GDA: variants seen among roughly 807,000 people sequenced by gnomAD.
GDA encodes the protein guanine deaminase, also known as cytoplasmic PSD-95 interactor.
In GDA, 18 loss-of-function variants were observed where a neutral mutation model predicts 59.6. That is an observed-to-expected ratio of 0.30 (90% confidence interval 0.21 to 0.45). The LOEUF (loss-of-function observed/expected upper bound fraction) is 0.45, where lower values mean the gene tolerates loss of function less well. GDA is among the 20% of genes least tolerant of loss of function. The pLI, the probability that GDA is intolerant of heterozygous loss-of-function variation, is 1.00. For synonymous variants in GDA, 201 were observed against 201.1 expected, an observed-to-expected ratio of 1.00 and a Z score of 0.00; for missense variants, 427 against 552.3, an observed-to-expected ratio of 0.77 and a Z score of 2.27.
rs1438996529 is a variant in GDA, at chr9:72,251,772, A to C, written c.*3430A>C. The C allele has an allele frequency of 6.6e-6, 1 of 152,120 alleles. No homozygotes were observed. The highest frequency in any genetic ancestry group is 1.5e-5 in the Non-Finnish European group (1 of 68,012). 9.4% of individuals were successfully genotyped at this position (152,120 alleles called of 1,614,324 possible). A position where few individuals can be genotyped will look rare whatever the true frequency, so the allele number is the denominator to read the frequency against. On this transcript the variant is annotated 3_prime_UTR_variant, in exon 14 of 14. Coordinates refer to ENST00000358399, the MANE Select transcript of GDA (RefSeq NM_004293.5). ...AAAATCCTAACATTGGTCTCCGTGC[A>C]TGTGTTCACACCTGGTCTCACTGCC... is the stretch of plus-strand genomic sequence containing the variant.
Position 72,132,281 on chromosome 9 carries a change from TGCCCAACCA to T in GDA, c.-100+17449_-100+17457del, listed in dbSNP as rs552482474. ...CTGAGGGTGCCCAACCACGGTGGGGTGCCCAACCATGGTGAGTACAAGAAAGTTTGAATA... is the reference window on the plus strand; with the variant it reads ...CTGAGGGTGCCCAACCACGGTGGGGTTGGTGAGTACAAGAAAGTTTGAATA... On this transcript the variant is annotated intron_variant, in intron 1 of 13. Coordinates refer to the GDA transcript ENST00000545168. Among the ~76,000 whole-genome samples, 21 of 152,026 alleles carry T rather than the reference TGCCCAACCA, an allele frequency of 1.4e-4. No individual in the cohort carries two copies. In the South Asian group the frequency reaches 4.2e-3, roughly 30 times the overall value.
chr9:72,193,214 A>G lies in GDA; in HGVS notation c.124-2286A>G, dbSNP rs143397057. Among the ~76,000 whole-genome samples the G allele has an allele frequency of 2.2e-3, 332 of 152,188 alleles. 2 individuals are homozygous for G. The highest frequency in any genetic ancestry group is 7.7e-3 in the African/African-American group (321 of 41,530). On this transcript the variant is annotated intron_variant, in intron 1 of 13. Transcript: ENST00000358399. ...GTAGATGTTTGTGCCTGGGCATTGA[A>G]GAGTTAGGTATTTATTATACTTGTC...
At chr9:72,119,786 A>G (rs1331986502) in intron 1 of GDA, among the ~76,000 whole-genome samples, 3 of 152,198 alleles carry the variant, frequency 2.0e-5, no homozygotes, top group Admixed American at 6.5e-5. Flanking sequence ...CTTGAGCAAG[A>G]TATACACTTT....
At chr9:72,259,781 G>A (rs1023933189), downstream of GDA, among the ~76,000 whole-genome samples, 1 of 152,170 alleles carries the variant, frequency 6.6e-6, no homozygotes, top group African/African-American at 2.4e-5. Flanking sequence ...CAGTGTAATC[G>A]ATTAGACTGA....
chr9:72,150,390 A>G lies in GDA; in HGVS notation c.123+708A>G, dbSNP rs78998769. On this transcript the variant is annotated intron_variant, in intron 1 of 13. Transcript: ENST00000358399. ...CATTTGCATCAAAGCAAGCAGTTCC[A>G]TTTTAAGGTTCAAAATGTCTTCTTT... 1.1e-3 allele frequency among the ~76,000 whole-genome samples: 162 copies of G among 152,128 alleles called. 1 individual carries two copies. Among genetic ancestry groups the G allele is most frequent in the Non-Finnish European group, 1.5e-3 (101 of 68,006 alleles).
chr9:72,249,375 C>A lies in GDA; in HGVS notation c.*1033C>A, dbSNP rs945377052. On this transcript the variant is annotated 3_prime_UTR_variant, in exon 14 of 14. Transcript: ENST00000358399. ...TAGAACTTTAAAATGAAGGACAAAT[C>A]CTGTTAAAGAAATATTGTTAAAAAT... 2.1e-6 allele frequency: 2 copies of A among 966,574 alleles called. No homozygotes were observed. The highest frequency in any genetic ancestry group is 2.5e-6 in the Non-Finnish European group (2 of 812,848). The allele number at this position is 966,574 out of a possible 1,614,324, so 59.9% of individuals were successfully genotyped here.
chr9:72,157,618 A>G (rs1564173218), intron 1 of GDA, among the ~76,000 whole-genome samples: 3 of 152,204 alleles, frequency 2.0e-5, no homozygotes, highest in African/African-American at 4.8e-5. Flanking sequence ...GAGCTAAAAT[A>G]TAACAGGAGA....
chr9:72,202,944 A>G (rs1834195234), intron 3 of GDA, among the ~76,000 whole-genome samples: 1 of 152,246 alleles, frequency 6.6e-6, no homozygotes, highest in South Asian at 2.1e-4. Context: ...GAGAATTTGA[A>G]TCCAAGTTTC....
intron 1 of GDA, among the ~76,000 whole-genome samples, chr9:72,172,738 A>G (rs1165754763): frequency 1.3e-5 from 2 of 152,218 alleles, no homozygotes; most frequent in Admixed American, 6.5e-5. Flanking sequence ...TCTTCTCTGC[A>G]TCTATATTTG....
chr9:72,128,921 G>C (rs1246583826), intron 1 of GDA, among the ~76,000 whole-genome samples: 1 of 151,532 alleles, frequency 6.6e-6, no homozygotes, highest in Non-Finnish European at 1.5e-5. Context: ...TTATGTCCTT[G>C]CCTGGCAATG....
chr9:72,257,379 C>A (rs1285639816), downstream of GDA: 1 of 152,234 alleles, frequency 6.6e-6, no homozygotes, highest in Non-Finnish European at 1.5e-5. Flanking sequence ...GCCTAAAATC[C>A]TCTGTAGCCT....
intron 1 of GDA, among the ~76,000 whole-genome samples, chr9:72,151,770 A>G (rs1228409869): frequency 1.3e-5 from 2 of 151,510 alleles, no homozygotes; most frequent in African/African-American, 4.9e-5. Flanking sequence ...CGCCCCACTG[A>G]TTTTTTTGTA....
rs1003175901 is a variant in GDA at position 72,208,621 on chromosome 9, G to A, written c.385-2066G>A. Among the ~76,000 whole-genome samples the A allele has an allele frequency of 2.0e-5, 3 of 152,246 alleles. No individual in the cohort carries two copies. The East Asian group carries it at 5.8e-4, about 29-fold the overall frequency. ...CCAGGAATTACTTTGGATTACTCTT[G>A]TGTTTTACTAAAAGACAGTTTCTAA... On this transcript the variant is annotated intron_variant, in intron 3 of 13. Coordinates refer to ENST00000358399, the MANE Select transcript of GDA (RefSeq NM_004293.5).
At chr9:72,199,458 C>T (rs1466970497) in intron 2 of GDA, among the ~76,000 whole-genome samples, 1 of 152,124 alleles carries the variant, frequency 6.6e-6, no homozygotes, top group Non-Finnish European at 1.5e-5. Context: ...AATCATCTTT[C>T]ACTCTCTCAT....
intron 1 of GDA, among the ~76,000 whole-genome samples, chr9:72,174,043 C>T (rs1410548210): frequency 6.6e-6 from 1 of 152,168 alleles, no homozygotes; most frequent in Non-Finnish European, 1.5e-5. Flanking sequence ...AACCATTGTT[C>T]CATTAATTGT....
intron 1 of GDA, among the ~76,000 whole-genome samples, chr9:72,163,223 G>A (rs1013053062): frequency 6.6e-6 from 1 of 152,128 alleles, no homozygotes; most frequent in Non-Finnish European, 1.5e-5. Context: ...CAACTGGATG[G>A]ATATGGTGGC....
intron 1 of GDA, among the ~76,000 whole-genome samples, chr9:72,125,881 A>AT (rs1292769123): frequency 1.3e-5 from 2 of 151,986 alleles, no homozygotes; most frequent in Non-Finnish European, 2.9e-5. Flanking sequence ...CTTTTCTATG[A>AT]TTTTGGAAGG....
Position 72,241,177 on chromosome 9 carries a change from C to A in GDA, c.1014C>A (p.Ser338=). The A allele has an allele frequency of 6.2e-7, 1 of 1,603,892 alleles. No individual in the cohort carries two copies. The highest frequency in any genetic ancestry group is 8.5e-7 in the Non-Finnish European group (1 of 1,172,458). Residue 338 remains serine, a synonymous_variant, in exon 11 of 14, where the codon TCC becomes TCA. Coordinates refer to ENST00000358399, the MANE Select transcript of GDA (RefSeq NM_004293.5). ...ACGTGGCTGGTGGCTATTCATATTC[C>A]ATGCTTGATGCAATCAGAAGAGCAG... The part of the protein sequence containing the change: ...GTDVAGGYSY[S]MLDAIRRAVM...
chr9:72,161,555 C>T (rs2130846869), intron 1 of GDA, among the ~76,000 whole-genome samples: 1 of 152,152 alleles, frequency 6.6e-6, no homozygotes. Flanking sequence ...ATTCTGAGAC[C>T]TCATGAAGTT....
Sources: allele counts gnomAD v4.1 joint callset (sites outside exome capture counted in the v4.1 genomes callset), GRCh38; gene constraint gnomAD v4.1.1; transcripts MANE v1.5; gene names NCBI Gene and HGNC (gene_info 2026-07-23, HGNC 2026-07-21).